VAT1L: variants seen among roughly 807,000 people sequenced by gnomAD.
VAT1L encodes the protein putative NADPH-dependent quinone oxidoreductase VAT1L.
Under a neutral mutation model 44.1 loss-of-function variants are expected in VAT1L, and 34 were observed. The observed-to-expected ratio is 0.77, with a 90% CI of 0.59 to 1.03. VAT1L has a LOEUF of 1.03. VAT1L is among the 50% of genes least tolerant of loss of function. The probability of loss-of-function intolerance (pLI) is 0.00; values close to 1 mark genes in which losing one functional copy is unlikely to be tolerated. For missense variants in VAT1L, 615 were observed against 538.8 expected (o/e 1.14, Z -1.40); for synonymous variants, 253 against 202.2 (o/e 1.25, Z -2.13).
chr16:77,967,377 TA>T (rs2018234567), intron 7 of VAT1L, among the ~76,000 whole-genome samples: 1 of 152,176 alleles, frequency 6.6e-6, no homozygotes, highest in South Asian at 2.1e-4. Flanking sequence ...TGTGTGTGGA[TA>T]AAAGGAAGCA....
chr16:77,869,086 G>A (rs2017004162), intron 4 of VAT1L, among the ~76,000 whole-genome samples: 1 of 152,110 alleles, frequency 6.6e-6, no homozygotes, highest in Non-Finnish European at 1.5e-5. Context: ...TGGCTGCCAT[G>A]TACAGGAATG....
intron 7 of VAT1L, among the ~76,000 whole-genome samples, chr16:77,907,207 A>T (rs1288354129): frequency 6.6e-6 from 1 of 152,174 alleles, no homozygotes; most frequent in East Asian, 1.9e-4. Context: ...GTGGGAAGAG[A>T]TGTGCACAAT....
chr16:77,831,183 G>A (rs2016574442), intron 3 of VAT1L, among the ~76,000 whole-genome samples: 1 of 152,174 alleles, frequency 6.6e-6, no homozygotes, highest in Non-Finnish European at 1.5e-5. Context: ...GTGGTGGGGG[G>A]ACACTAGGCA....
chr16:77,973,647 A>G (rs1484135623), intron 8 of VAT1L, among the ~76,000 whole-genome samples: 2 of 150,684 alleles, frequency 1.3e-5, no homozygotes, highest in Non-Finnish European at 2.9e-5. Context: ...TTACATACAC[A>G]TTGATTCTTG....
chr16:77,820,619 A>C (rs983369247), intron 2 of VAT1L, among the ~76,000 whole-genome samples: 37 of 152,284 alleles, frequency 2.4e-4, no homozygotes, highest in Admixed American at 5.2e-4. Flanking sequence ...GCTAGAACAA[A>C]GGAGAGCTCT....
intron 7 of VAT1L, among the ~76,000 whole-genome samples, chr16:77,936,573 A>C (rs1466100752): frequency 6.6e-6 from 1 of 152,110 alleles, no homozygotes; most frequent in African/African-American, 2.4e-5. Flanking sequence ...GAAAAATGGG[A>C]TTTACTCGGC....
At chr16:77,834,111 C>T (rs17774303) in intron 3 of VAT1L, among the ~76,000 whole-genome samples, 3 of 152,172 alleles carry the variant, frequency 2.0e-5, no homozygotes, top group South Asian at 2.1e-4. Flanking sequence ...GAATCCACAG[C>T]GGCTCCCATT....
intron 7 of VAT1L, among the ~76,000 whole-genome samples, chr16:77,919,026 G>A (rs2017582322): frequency 1.3e-5 from 2 of 152,174 alleles, no homozygotes; most frequent in South Asian, 4.1e-4. Context: ...CAGTGCTGAG[G>A]CATTCTGCAG....
intron 7 of VAT1L, among the ~76,000 whole-genome samples, chr16:77,957,410 T>C (rs1045941752): frequency 2.6e-5 from 4 of 152,144 alleles, no homozygotes; most frequent in Admixed American, 2.0e-4. Context: ...TGTTGAAAGA[T>C]TCAAAGCCAA....
At chr16:77,864,287 G>C (rs2016946741) in intron 4 of VAT1L, among the ~76,000 whole-genome samples, 1 of 152,076 alleles carries the variant, frequency 6.6e-6, no homozygotes, top group Non-Finnish European at 1.5e-5. Context: ...ACGTTGTCCA[G>C]ATAGAATCAT....
At chr16:77,821,663 T>C (rs2966047) in intron 2 of VAT1L, among the ~76,000 whole-genome samples, 33,134 of 152,078 alleles carry the variant, frequency 0.22, 3,931 homozygotes, top group South Asian at 0.31. Context: ...GAGCTTTAGG[T>C]CCCAGTCTAT....
intron 2 of VAT1L, among the ~76,000 whole-genome samples, chr16:77,822,217 C>T (rs2016463596): frequency 6.6e-6 from 1 of 152,174 alleles, no homozygotes; most frequent in African/African-American, 2.4e-5. Flanking sequence ...TCACTGCAAA[C>T]TCTGCCTCCC....
chr16:77,958,236 T>C (rs560049702), intron 7 of VAT1L, among the ~76,000 whole-genome samples: 2 of 152,254 alleles, frequency 1.3e-5, no homozygotes, highest in Non-Finnish European at 2.9e-5. Flanking sequence ...TCCCTCCGTT[T>C]GGCTGAGTGA....
intron 3 of VAT1L, among the ~76,000 whole-genome samples, chr16:77,855,814 T>C (rs57536244): frequency 0.043 from 6,475 of 152,150 alleles, 387 homozygotes; most frequent in East Asian, 0.29. Context: ...GGTCAAGAAA[T>C]TGAGACCATC....
chr16:77,946,480 C>T (rs1055395351), intron 7 of VAT1L, among the ~76,000 whole-genome samples: 6 of 151,670 alleles, frequency 4.0e-5, no homozygotes, highest in Non-Finnish European at 7.4e-5. Context: ...GACAAGGTTT[C>T]ACCGTGTTAG....
chr16:77,908,107 C>T (rs548056978), intron 7 of VAT1L, among the ~76,000 whole-genome samples: 6 of 152,002 alleles, frequency 3.9e-5, no homozygotes, highest in East Asian at 1.9e-4. Flanking sequence ...GGTGTGGTGG[C>T]GGACGCCTGT....
At chr16:77,823,379 A>G (rs2016483344) in intron 2 of VAT1L, among the ~76,000 whole-genome samples, 1 of 152,170 alleles carries the variant, frequency 6.6e-6, no homozygotes. Flanking sequence ...CACTTGTCAT[A>G]TGAAAATATC....
chr16:77,862,623 TAAAAAAAAA>T, intron 3 of VAT1L, 116 bp from the exon 4 acceptor site: 4 of 395,500 alleles, frequency 1.0e-5, no homozygotes, highest in Non-Finnish European at 1.6e-5. Flanking sequence ...ACTCCATCTC[TAAAAAAAAA>T]AAAAAAAAAA....
intron 6 of VAT1L, among the ~76,000 whole-genome samples, chr16:77,882,735 G>A (rs1160563634): frequency 6.6e-6 from 1 of 152,214 alleles, no homozygotes; most frequent in Non-Finnish European, 1.5e-5. Flanking sequence ...GATACACTGT[G>A]AATCAAGTTA....
Sources: allele counts gnomAD v4.1 joint callset (sites outside exome capture counted in the v4.1 genomes callset), GRCh38; gene constraint gnomAD v4.1.1; transcripts MANE v1.5; gene names NCBI Gene and HGNC (gene_info 2026-07-23, HGNC 2026-07-21).